The following POLN variants were observed in gnomAD, a reference collection of about 807,000 sequenced individuals.
POLN encodes the protein DNA polymerase N.
In POLN, 108 loss-of-function variants were observed where a neutral mutation model predicts 113.5. The ratio of observed to expected loss-of-function variants is 0.95; its 90% CI spans 0.81 to 1.12. The LOEUF is 1.12. Among genes scored for constraint, POLN ranks in the 50% most tolerant of loss-of-function variants. The pLI is 0.00. For missense variants in POLN, 1,097 were observed against 1,077.1 expected, an observed-to-expected ratio of 1.02 and a Z score of -0.26; for synonymous variants, 386 against 391.5, an observed-to-expected ratio of 0.99 and a Z score of 0.17.
intron 13 of POLN, among the ~76,000 whole-genome samples, chr4:2,166,985 G>C (rs1004932339): frequency 1.3e-5 from 2 of 152,114 alleles, no homozygotes; most frequent in Non-Finnish European, 2.9e-5. Flanking sequence ...TATTTCTCTA[G>C]AGAACCCTGT....
intron 5 of POLN, among the ~76,000 whole-genome samples, chr4:2,202,549 C>T (rs927772977): frequency 5.9e-5 from 9 of 151,942 alleles, no homozygotes; most frequent in Non-Finnish European, 1.3e-4. Flanking sequence ...CATGATGAAA[C>T]TCCGTCTCTA....
rs768369203 is a variant in POLN, at chr4:2,124,435, C to G, written c.1982+3678G>C. ...GATAGGCGTGTGCCACCTCATCCGG[C>G]TAATTTAAAAAAAAATTTTTTTTGT... On this transcript the variant is annotated intron_variant, in intron 19 of 25. Coordinates refer to ENST00000511885, the MANE Select transcript of POLN (RefSeq NM_181808.4). Among the ~76,000 whole-genome samples the G allele has an allele frequency of 9.9e-5, 15 of 151,950 alleles. 1 individual carries two copies. The highest frequency in any genetic ancestry group is 9.2e-4 in the Admixed American group (14 of 15,232).
intron 4 of POLN, among the ~76,000 whole-genome samples, chr4:2,211,299 A>G (rs187950154): frequency 3.3e-4 from 49 of 147,746 alleles, no homozygotes; most frequent in African/African-American, 1.2e-3. Context: ...TAATAATAAT[A>G]AGAGGATTGT....
At chr4:2,115,093 G>C (rs1731283893) in intron 19 of POLN, among the ~76,000 whole-genome samples, 1 of 151,470 alleles carries the variant, frequency 6.6e-6, no homozygotes, top group African/African-American at 2.4e-5. Context: ...TGTAGCTCAG[G>C]CTGGACTGCA....
intron 6 of POLN, among the ~76,000 whole-genome samples, chr4:2,195,155 A>AT (rs1262054064): frequency 3.3e-4 from 50 of 152,288 alleles, no homozygotes; most frequent in African/African-American, 1.2e-3. Context: ...ATTTATTTAA[A>AT]TTTATTTTGA....
intron 5 of POLN, among the ~76,000 whole-genome samples, chr4:2,199,658 C>T (rs1312049529): frequency 6.6e-6 from 1 of 152,162 alleles, no homozygotes; most frequent in Non-Finnish European, 1.5e-5. Flanking sequence ...CTCACCACAA[C>T]CTCCACCTCC....
intron 7 of POLN, among the ~76,000 whole-genome samples, chr4:2,187,178 G>A (rs1733297531): frequency 6.6e-6 from 1 of 152,196 alleles, no homozygotes; most frequent in Non-Finnish European, 1.5e-5. Flanking sequence ...CAGAGCAAGA[G>A]CAAGGAATAG....
At chr4:2,241,953 C>T (rs530842317) in intron 1 of POLN, 98 bp downstream of exon 1, 6 of 985,310 alleles carry the variant, frequency 6.1e-6, no homozygotes, top group African/African-American at 3.5e-5. Flanking sequence ...CCCCCAGGAG[C>T]GCAGGAAAAA....
At chr4:2,141,330 C>T (rs1179785093) in intron 16 of POLN, among the ~76,000 whole-genome samples, 1 of 152,180 alleles carries the variant, frequency 6.6e-6, no homozygotes, top group African/African-American at 2.4e-5. Context: ...GGATTCAGAG[C>T]CCAGCTGCTC....
At chr4:2,088,246 T>G (rs894785195) in intron 20 of POLN, among the ~76,000 whole-genome samples, 2 of 152,212 alleles carry the variant, frequency 1.3e-5, no homozygotes, top group Non-Finnish European at 2.9e-5. Flanking sequence ...AGAAAAATAA[T>G]GAAACTAGGA....
intron 19 of POLN, among the ~76,000 whole-genome samples, chr4:2,120,394 C>G (rs914131867): frequency 6.6e-6 from 1 of 151,440 alleles, no homozygotes; most frequent in Admixed American, 6.6e-5. Flanking sequence ...TGGTATTTCT[C>G]TTGAATTCTT....
At chr4:2,173,869 G>A in intron 11 of POLN, 86 bp downstream of exon 11, 1 of 1,241,010 alleles carries the variant, frequency 8.1e-7, no homozygotes, top group Non-Finnish European at 1.2e-6. Flanking sequence ...AAGAAAAGGA[G>A]AATCTACTCT....
At chr4:2,082,016 G>A (rs924048615) in intron 21 of POLN, among the ~76,000 whole-genome samples, 5 of 148,000 alleles carry the variant, frequency 3.4e-5, no homozygotes, top group African/African-American at 7.6e-5. Context: ...GTGCAGTGGC[G>A]AGATCTCAGC....
intron 16 of POLN, among the ~76,000 whole-genome samples, chr4:2,140,539 G>A (rs1731973122): frequency 6.6e-6 from 1 of 152,158 alleles, no homozygotes; most frequent in African/African-American, 2.4e-5. Flanking sequence ...TTGAGGCCAG[G>A]AGTTCAAGAC....
rs777289904 is a variant in POLN, at chr4:2,129,238, A to G, written c.1808T>C (p.Leu603Pro). 3 of 1,595,528 alleles carry G rather than the reference A, an allele frequency of 1.9e-6. No individual in the cohort carries two copies. The highest frequency in any genetic ancestry group is 2.6e-6 in the Non-Finnish European group (3 of 1,163,268). ...KNFKGKEDKI[L>P]TISPRAMFVS... ...AAACATGGCCCTCGGGGAGATCGTG[A>G]GAATCTTGTCTTCTTTACCTGAATT... is the stretch of plus-strand genomic sequence containing the variant. Residue 603 changes from leucine (L) to proline (P), a missense_variant, in exon 18 of 26, where the codon CTC (leucine) becomes CCC (proline). Coordinates refer to ENST00000511885, the MANE Select transcript of POLN (RefSeq NM_181808.4).
At chr4:2,168,655 AG>A (rs1732787750) in intron 13 of POLN, among the ~76,000 whole-genome samples, 1 of 152,240 alleles carries the variant, frequency 6.6e-6, no homozygotes, top group Non-Finnish European at 1.5e-5. Flanking sequence ...AGCTGGTGCC[AG>A]GACAGAGGTG....
chr4:2,223,821 T>C (rs1230107930), intron 3 of POLN, among the ~76,000 whole-genome samples: 2 of 152,180 alleles, frequency 1.3e-5, no homozygotes, highest in Non-Finnish European at 2.9e-5. Flanking sequence ...TTACCATAAA[T>C]GGAGCTTGCA....
At chr4:2,177,850 G>T (rs1399416982) in intron 8 of POLN, among the ~76,000 whole-genome samples, 1 of 152,194 alleles carries the variant, frequency 6.6e-6, no homozygotes, top group Non-Finnish European at 1.5e-5. Flanking sequence ...CACTCTCCAA[G>T]TGCTGAAACT....
chr4:2,078,522 G>T, intron 23 of POLN: 1 of 871,262 alleles, frequency 1.1e-6, no homozygotes, highest in Non-Finnish European at 1.4e-6. Context: ...CCAGGCTGGA[G>T]TGAAGTGGTG....
Sources: gnomAD v4.1 joint callset for allele counts (sites outside exome capture counted in the v4.1 genomes callset) on GRCh38, gnomAD v4.1.1 for gene constraint, MANE v1.5 for transcripts, NCBI Gene and HGNC (gene_info 2026-07-23, HGNC 2026-07-21) for gene names.